PATJ: variants seen among roughly 807,000 people sequenced by gnomAD.
PATJ encodes PATJ crumbs cell polarity complex component.
In PATJ, 190 loss-of-function variants were observed where a neutral mutation model predicts 224.9. That is an observed-to-expected ratio of 0.84 (90% CI 0.75 to 0.95). The LOEUF (loss-of-function observed/expected upper bound fraction) is 0.95, where lower values mean the gene tolerates loss of function less well. PATJ is among the 40% of genes least tolerant of loss of function. PATJ has a pLI of 0.00. For synonymous variants in PATJ, 769 were observed against 820.3 expected (o/e 0.94, Z 1.07); for missense variants, 2,121 against 2,270.3 (o/e 0.93, Z 1.34).
At chr1:62,153,278 C>A in intron 42 of PATJ, 80 bp from the exon 43 acceptor site, 1 of 1,095,422 alleles carries the variant, frequency 9.1e-7, no homozygotes, top group Non-Finnish European at 1.2e-6. Flanking sequence ...AAGTCTCTCT[C>A]AAATCTGTAT....
At chr1:61,875,477 T>C (rs1402252993) in intron 21 of PATJ, 111 bp downstream of exon 21, 1 of 820,994 alleles carries the variant, frequency 1.2e-6, no homozygotes, top group African/African-American at 1.8e-5. Flanking sequence ...TATGATGCTT[T>C]GAATTTATGT....
intron 22 of PATJ, among the ~76,000 whole-genome samples, chr1:61,894,363 A>G (rs1402046518): frequency 1.3e-5 from 2 of 152,202 alleles, no homozygotes; most frequent in African/African-American, 4.8e-5. Flanking sequence ...GTACAATCTG[A>G]TATGGGTTGG....
chr1:61,946,051 G>A (rs958671235), intron 27 of PATJ, among the ~76,000 whole-genome samples: 1 of 152,078 alleles, frequency 6.6e-6, no homozygotes, highest in Non-Finnish European at 1.5e-5. Context: ...AGAATCTCTG[G>A]GACATATTTA....
intron 31 of PATJ, chr1:62,072,939 A>G (rs568722161): frequency 3.4e-4 from 223 of 663,412 alleles, no homozygotes; most frequent in Non-Finnish European, 3.8e-4. Context: ...CTGAAGCCCA[A>G]TTAAATGTAC....
At chr1:61,978,999 G>A (rs1173212522) in intron 27 of PATJ, among the ~76,000 whole-genome samples, 2 of 152,004 alleles carry the variant, frequency 1.3e-5, no homozygotes, top group Admixed American at 1.3e-4. Context: ...ACAAGAAAAA[G>A]GCATTGATGC....
intron 29 of PATJ, among the ~76,000 whole-genome samples, chr1:62,022,382 A>G (rs1647134865): frequency 6.6e-6 from 1 of 152,154 alleles, no homozygotes; most frequent in African/African-American, 2.4e-5. Flanking sequence ...TGGAAATTGT[A>G]CCCTAAACAT....
intron 27 of PATJ, among the ~76,000 whole-genome samples, chr1:61,951,213 G>A (rs1363290293): frequency 6.6e-6 from 1 of 151,496 alleles, no homozygotes; most frequent in African/African-American, 2.4e-5. Context: ...TTATTTAGTA[G>A]AATTTGTATT....
chr1:61,995,996 A>G (rs910608513), intron 28 of PATJ, among the ~76,000 whole-genome samples: 2 of 152,186 alleles, frequency 1.3e-5, no homozygotes, highest in Non-Finnish European at 2.9e-5. Context: ...TGCACAATTG[A>G]TTGGGCTAGT....
intron 33 of PATJ, among the ~76,000 whole-genome samples, chr1:62,092,344 C>T (rs940677416): frequency 2.1e-4 from 32 of 151,876 alleles, no homozygotes; most frequent in African/African-American, 7.5e-4. Flanking sequence ...TGCACCACTA[C>T]ATTCCGGCCT....
chr1:61,835,130 G>T (rs1659961278), intron 17 of PATJ, among the ~76,000 whole-genome samples: 1 of 152,068 alleles, frequency 6.6e-6, no homozygotes, highest in East Asian at 1.9e-4. Flanking sequence ...TTCCTTTTTA[G>T]AATTTCTCTT....
Position 62,084,580 on chromosome 1 carries a change from A to G in PATJ, c.4309A>G (p.Ile1437Val). 2 of 1,613,524 alleles carry G rather than the reference A, an allele frequency of 1.2e-6. No homozygotes were observed. Among genetic ancestry groups the G allele is most frequent in the Non-Finnish European group, 8.5e-7 (1 of 1,179,796 alleles). ...TCCCATTGTCCCTGGACAGGAAATGATTATAGAAATATCCAAGGGACGTTC... is the reference window on the plus strand; with the variant it reads ...TCCCATTGTCCCTGGACAGGAAATGGTTATAGAAATATCCAAGGGACGTTC... ...TCPIVPGQEM[I>V]IEISKGRSGL... The change falls in exon 33 of 44, where the codon ATT becomes GTT. Residue 1437 changes from isoleucine to valine, a missense_variant. Physicochemically the swap from Ile to Val is conservative, Grantham distance 29. Transcript: ENST00000642238.
In PATJ at chr1:61,912,456, C is replaced by G. The variant is rs78860124; in HGVS notation, c.3493-2131C>G. Among the ~76,000 whole-genome samples the G allele has an allele frequency of 9.3e-5, 14 of 151,212 alleles. No homozygotes were observed. In the South Asian group the frequency reaches 2.9e-3, roughly 32 times the overall value. Reference sequence around the variant, plus strand: ...TAAAAATAGAAAAAGTAGCTGAGTGCGGTGGTTTACACTTGTAACCTCAGC... The same window carrying G: ...TAAAAATAGAAAAAGTAGCTGAGTGGGGTGGTTTACACTTGTAACCTCAGC... On this transcript the variant is annotated intron_variant, in intron 25 of 43. Coordinates refer to ENST00000642238, the MANE Select transcript of PATJ (RefSeq NM_001350145.3).
chr1:61,965,948 C>T (rs1448587925), intron 27 of PATJ, among the ~76,000 whole-genome samples: 3 of 152,198 alleles, frequency 2.0e-5, no homozygotes, highest in African/African-American at 7.2e-5. Flanking sequence ...GTCTCCCAGG[C>T]TGGAGTGCAA....
chr1:61,871,088 T>G (rs1028329735), intron 20 of PATJ, among the ~76,000 whole-genome samples: 10 of 149,740 alleles, frequency 6.7e-5, no homozygotes, highest in Non-Finnish European at 1.3e-4. Flanking sequence ...TGTTTTTTTT[T>G]TTTTGCCTGA....
At chr1:61,856,804 G>T (rs12092488) in intron 18 of PATJ, among the ~76,000 whole-genome samples, 20,574 of 152,104 alleles carry the variant, frequency 0.14, 1,557 homozygotes, top group South Asian at 0.28. Flanking sequence ...TGTTGGCCAG[G>T]CTGGTCTTGA....
At chr1:61,777,703 C>CTTTCTTTTTTTTTTTTTTTTTT (rs1415203243) in intron 7 of PATJ, among the ~76,000 whole-genome samples, 3 of 48,746 alleles carry the variant, frequency 6.2e-5, no homozygotes, top group African/African-American at 2.1e-4. Flanking sequence ...TTCTTTCTTT[C>CTTTCTTTTTTTTTTTTTTTTTT]TTTTTTTTTT....
intron 30 of PATJ, among the ~76,000 whole-genome samples, chr1:62,050,418 C>T (rs1008304507): frequency 6.6e-6 from 1 of 152,184 alleles, no homozygotes; most frequent in African/African-American, 2.4e-5. Flanking sequence ...AGCAGAGAAC[C>T]AGTTCTTTCT....
At chr1:61,835,605 T>G (rs1660053141) in intron 17 of PATJ, among the ~76,000 whole-genome samples, 1 of 152,108 alleles carries the variant, frequency 6.6e-6, no homozygotes, top group Non-Finnish European at 1.5e-5. Flanking sequence ...GGTTTCACCA[T>G]TTTGGCCAGG....
intron 29 of PATJ, among the ~76,000 whole-genome samples, chr1:62,020,832 T>C (rs1343726857): frequency 6.6e-6 from 1 of 152,162 alleles, no homozygotes; most frequent in Non-Finnish European, 1.5e-5. Flanking sequence ...CATTCATTCA[T>C]TCATTTATTT....
Sources: allele counts gnomAD v4.1 joint callset (sites outside exome capture counted in the v4.1 genomes callset), GRCh38; gene constraint gnomAD v4.1.1; transcripts MANE v1.5; gene names NCBI Gene and HGNC (gene_info 2026-07-23, HGNC 2026-07-21).